The following MIGA2 variants were observed in gnomAD, a reference collection of about 807,000 sequenced individuals.
MIGA2 encodes the protein family with sequence similarity 73, member B.
A neutral mutation model predicts 69.9 loss-of-function variants in MIGA2; 36 were observed. That is an observed-to-expected ratio of 0.52 (90% confidence interval 0.39 to 0.68). The LOEUF is 0.68. Among genes scored for constraint, MIGA2 ranks in the 30% least tolerant of loss-of-function variants. MIGA2 has a pLI of 0.00. For missense variants in MIGA2, 660 were observed against 787.7 expected (o/e 0.84, Z 1.94); for synonymous variants, 333 against 349.2 (o/e 0.95, Z 0.52).
intron 3 of MIGA2, among the ~76,000 whole-genome samples, chr9:129,047,677 T>C (rs940134545): frequency 2.0e-5 from 3 of 152,002 alleles, no homozygotes; most frequent in Admixed American, 6.6e-5. Flanking sequence ...CCTCCCAAAG[T>C]GCTAGGATTA....
intron 2 of MIGA2, among the ~76,000 whole-genome samples, chr9:129,040,908 T>G (rs1297218413): frequency 6.6e-6 from 1 of 152,184 alleles, no homozygotes; most frequent in East Asian, 1.9e-4. Flanking sequence ...AAAATTGTAT[T>G]GGCCGGGTGC....
Position 129,068,042 on chromosome 9 carries a change from C to T in MIGA2, c.1270-156C>T. On this transcript the variant is annotated intron_variant, in intron 12 of 15. Transcript: ENST00000684074. The surrounding 1 kb of genome is among the most constrained non-coding windows in gnomAD (Gnocchi z 4.1). ...AGGCCAAGGCAGAGGGAGGAATGGC[C>T]TCAGCTACACCCGTTGCACAGCAGA... The T allele has an allele frequency of 2.3e-6, 3 of 1,284,712 alleles. No homozygotes were observed. The highest frequency in any genetic ancestry group is 1.9e-5 in the Admixed American group (1 of 52,130). The allele number at this position is 1,284,712 out of a possible 1,614,324, so 79.6% of individuals were successfully genotyped here. A position where few individuals can be genotyped will look rare whatever the true frequency, so the allele number is the denominator to read the frequency against.
In MIGA2 at chr9:129,059,229, T is replaced by C. The variant is rs777229167; in HGVS notation, c.751T>C (p.Phe251Leu). 15 of 1,603,112 alleles carry C rather than the reference T, an allele frequency of 9.4e-6. No individual in the cohort carries two copies. The highest frequency in any genetic ancestry group is 1.7e-4 in the Middle Eastern group (1 of 6,042). ...LHRAYHLQEE[F>L]GSTFPADSML... ...CCGTGCCTACCACCTGCAGGAGGAG[T>C]TCGGCTCCACCTTCCCCGCAGACAG... The change falls in exon 7 of 16, where the codon TTC (phenylalanine) becomes CTC (leucine). Residue 251 changes from phenylalanine to leucine, a missense_variant. By Grantham distance (22) the Phe-to-Leu change is conservative. Around this residue, in one of 3 missense-constraint regions of MIGA2, gnomAD observed 386 missense variants for 402.0 expected, o/e 0.96. Transcript: ENST00000684074. This position sits in a 1 kb window ranked among gnomAD's most constrained non-coding sequence, Gnocchi z 5.6.
At chr9:129,044,210 T>G (rs957341535) in intron 3 of MIGA2, among the ~76,000 whole-genome samples, 5 of 143,172 alleles carry the variant, frequency 3.5e-5, no homozygotes, top group Non-Finnish European at 7.6e-5. Flanking sequence ...GCCAGGCTGG[T>G]CTCGAACTCC....
Position 129,069,787 on chromosome 9 carries a change from G to A in MIGA2, c.1459-62G>A. 8.8e-7 allele frequency: 1 copy of A among 1,132,764 alleles called. No individual in the cohort carries two copies. Among genetic ancestry groups the A allele is most frequent in the Non-Finnish European group, 1.3e-6 (1 of 744,046 alleles). The allele number at this position is 1,132,764 out of a possible 1,614,324, so 70.2% of individuals were successfully genotyped here. Reference sequence around the variant, plus strand: ...AAGCCCAGCCCTTTATGCGACACCTGGGCCTGGTGCCCTCATCCTACCTGG... The same window carrying A: ...AAGCCCAGCCCTTTATGCGACACCTAGGCCTGGTGCCCTCATCCTACCTGG... On this transcript the variant is annotated intron_variant, in intron 14 of 15. Transcript: ENST00000684074. The surrounding 1 kb of genome is among the most constrained non-coding windows in gnomAD (Gnocchi z 4.9).
chr9:129,049,675 G>A, intron 5 of MIGA2, 152 bp from the exon 6 acceptor site: 1 of 1,326,582 alleles, frequency 7.5e-7, no homozygotes, highest in African/African-American at 1.5e-5. Flanking sequence ...AACCTGGTCT[G>A]AAAGAAGGCC....
Position 129,068,421 on chromosome 9 carries a change from CA to C in MIGA2, c.1404+90del. 1 of 1,527,122 alleles carries C rather than the reference CA, an allele frequency of 6.5e-7. No individual in the cohort carries two copies. The highest frequency in any genetic ancestry group is 8.9e-7 in the Non-Finnish European group (1 of 1,129,014). The allele number at this position is 1,527,122 out of a possible 1,614,324, so 94.6% of individuals were successfully genotyped here. On this transcript the variant is annotated intron_variant, in intron 13 of 15. Coordinates refer to ENST00000684074, the MANE Select transcript of MIGA2 (RefSeq NM_001329990.2). The surrounding 1 kb of genome is among the most constrained non-coding windows in gnomAD (Gnocchi z 4.1). ...CCGTCCCCTCTGTCCCTAGCACTGG[CA>C]CCAGGGCTGGGCCCCCACCCCCTAG...
intron 5 of MIGA2, 96 bp from the exon 6 acceptor site, chr9:129,049,731 C>G (rs938559322): frequency 6.3e-7 from 1 of 1,585,882 alleles, no homozygotes; most frequent in African/African-American, 1.4e-5. Context: ...CAGTTCTTGC[C>G]CTTCAAGGCC....
At position 129,070,468 on chromosome 9, in the gene MIGA2, G is replaced by C. The variant is rs756016955; in HGVS notation, c.*15G>C. On this transcript the variant is annotated 3_prime_UTR_variant, in exon 16 of 16. Transcript: ENST00000684074. Reference sequence around the variant, plus strand: ...AGCTGCAGTAGAGGCGGCACGGGCTGGGGGGTGGCAGAGAGAAGGCTCCTC... The same window carrying C: ...AGCTGCAGTAGAGGCGGCACGGGCTCGGGGGTGGCAGAGAGAAGGCTCCTC... The C allele has an allele frequency of 3.3e-5, 51 of 1,524,146 alleles. No individual in the cohort carries two copies. Among genetic ancestry groups the C allele is most frequent in the Non-Finnish European group, 2.4e-5 (27 of 1,133,432 alleles). 94.4% of individuals were successfully genotyped at this position (1,524,146 alleles called of 1,614,324 possible). A position where few individuals can be genotyped will look rare whatever the true frequency, so the allele number is the denominator to read the frequency against.
chr9:129,064,067 C>A (rs1846208083), intron 11 of MIGA2, among the ~76,000 whole-genome samples: 1 of 152,326 alleles, frequency 6.6e-6, no homozygotes, highest in East Asian at 1.9e-4. Flanking sequence ...TTTCTGGGTC[C>A]TGGACATTTA....
Position 129,059,189 on chromosome 9 carries a change from G to A in MIGA2, c.711G>A (p.Leu237=), listed in dbSNP as rs1475818842. Residue 237 remains leucine, a synonymous_variant, in exon 7 of 16, where the codon CTG becomes CTA. Coordinates refer to ENST00000684074, the MANE Select transcript of MIGA2 (RefSeq NM_001329990.2). The surrounding 1 kb of genome is among the most constrained non-coding windows in gnomAD (Gnocchi z 5.6). The part of the protein sequence containing the change: ...ESQRKEFAEK[L]ESLLHRAYHL... The stretch of plus-strand genomic sequence containing the variant: ...AGCGGAAGGAGTTTGCAGAGAAGCT[G>A]GAGTCCCTGCTGCACCGTGCCTACC... 1 of 1,613,062 alleles carries A rather than the reference G, an allele frequency of 6.2e-7. No individual in the cohort carries two copies. Among genetic ancestry groups the A allele is most frequent in the African/African-American group, 1.3e-5 (1 of 74,906 alleles).
intron 15 of MIGA2, 133 bp from the exon 16 acceptor site, chr9:129,070,114 T>G: frequency 8.0e-7 from 1 of 1,250,252 alleles, no homozygotes; most frequent in Non-Finnish European, 1.1e-6. Context: ...GAGGAAGCAG[T>G]GGGAGGGAGG....
Position 129,069,704 on chromosome 9 carries a change from C to A in MIGA2, c.1459-145C>A. The A allele has an allele frequency of 1.4e-6, 1 of 708,224 alleles. No homozygotes were observed. The highest frequency in any genetic ancestry group is 1.5e-5 in the South Asian group (1 of 68,386). 43.9% of individuals were successfully genotyped at this position (708,224 alleles called of 1,614,324 possible). ...CAGAAGTTAAAATGGGCTTCGAAAG[C>A]TTGAGTCACTGCCCAGGGTCATCTA... On this transcript the variant is annotated intron_variant, in intron 14 of 15. Transcript: ENST00000684074. This position sits in a 1 kb window ranked among gnomAD's most constrained non-coding sequence, Gnocchi z 4.9.
At chr9:129,043,578 G>A (rs1265390271) in intron 3 of MIGA2, among the ~76,000 whole-genome samples, 1 of 151,816 alleles carries the variant, frequency 6.6e-6, no homozygotes, top group Non-Finnish European at 1.5e-5. Context: ...GTAGAGACGG[G>A]ATTTCGCCAC....
At chr9:129,062,809 C>A (rs62585607) in intron 9 of MIGA2, among the ~76,000 whole-genome samples, 30,815 of 151,768 alleles carry the variant, frequency 0.2, 4,100 homozygotes, top group African/African-American at 0.38. Flanking sequence ...GTACCACTGC[C>A]CTCCAACCTG....
chr9:129,051,153 G>A (rs1027695094), intron 6 of MIGA2: 7 of 156,702 alleles, frequency 4.5e-5, no homozygotes, highest in Admixed American at 2.6e-4. Flanking sequence ...GCCTCCCAAA[G>A]TGCTGGGATT....
At position 129,068,193 on chromosome 9, in the gene MIGA2, T is replaced by C. The variant is rs1226861120; in HGVS notation, c.1270-5T>C. ...GCATGAGCCTCCCGGGGGCACCCTC[T>C]GTAGGTGGTATGCATGAGCTTCTTC... On this transcript the variant is annotated splice_polypyrimidine_tract_variant and splice_region_variant and intron_variant, in intron 12 of 15. Coordinates refer to ENST00000684074, the MANE Select transcript of MIGA2 (RefSeq NM_001329990.2). This position sits in a 1 kb window ranked among gnomAD's most constrained non-coding sequence, Gnocchi z 4.1. The C allele has an allele frequency of 6.2e-7, 1 of 1,613,626 alleles. No homozygotes were observed. Among genetic ancestry groups the C allele is most frequent in the African/African-American group, 1.3e-5 (1 of 74,922 alleles).
In MIGA2 at chr9:129,070,299, A is replaced by G. The variant is rs764091822; in HGVS notation, c.1628A>G (p.Tyr543Cys). 1 of 1,613,164 alleles carries G rather than the reference A, an allele frequency of 6.2e-7. No individual in the cohort carries two copies. Among genetic ancestry groups the G allele is most frequent in the Non-Finnish European group, 8.5e-7 (1 of 1,180,008 alleles). Residue 543 changes from tyrosine (Y) to cysteine (C), a missense_variant, in exon 16 of 16, where the codon TAC becomes TGC. By Grantham distance (194) the Tyr-to-Cys change is radical (BLOSUM62 -2). Coordinates refer to ENST00000684074, the MANE Select transcript of MIGA2 (RefSeq NM_001329990.2). The part of the protein sequence containing the change: ...RDMFDLDNVR[Y>C]TSLPALADDI... Reference sequence around the variant, plus strand: ...ATGTTCGACCTGGACAATGTGCGCTACACGTCACTGCCCGCGCTGGCAGAC... The same window carrying G: ...ATGTTCGACCTGGACAATGTGCGCTGCACGTCACTGCCCGCGCTGGCAGAC...
At chr9:129,041,481 A>G (rs1269370974) in intron 2 of MIGA2, among the ~76,000 whole-genome samples, 2 of 152,090 alleles carry the variant, frequency 1.3e-5, no homozygotes, top group Non-Finnish European at 2.9e-5. Context: ...GCAACAGGGT[A>G]AGACTCCGTC....
Sources: allele counts gnomAD v4.1 joint callset (sites outside exome capture counted in the v4.1 genomes callset), GRCh38; gene constraint gnomAD v4.1.1; regional missense constraint gnomAD v4.1.1; non-coding constraint Gnocchi (gnomAD v3.1); transcripts MANE v1.5; gene names NCBI Gene and HGNC (gene_info 2026-07-23, HGNC 2026-07-21).